The following PLAC1 variants were observed in gnomAD, a reference collection of about 807,000 sequenced individuals.
PLAC1 encodes placenta associated 1, also known as placenta-specific protein 1.
For missense variants in PLAC1, 136 were observed against 163.2 expected, an observed-to-expected ratio of 0.83 and a Z score of 0.91; for synonymous variants, 68 against 62.1, an observed-to-expected ratio of 1.09 and a Z score of -0.44.
At chrX:134,671,313 A>G (rs2147810798) in intron 2 of PLAC1, among the ~76,000 whole-genome samples, 1 of 112,049 alleles carries the variant, frequency 8.9e-6, no homozygotes, top group Admixed American at 9.5e-5. Flanking sequence ...ACCTAATGGT[A>G]AAACATGTTT....
chrX:134,598,387 G>C (rs1388790295), intron 2 of PLAC1, among the ~76,000 whole-genome samples: 1 of 112,017 alleles, frequency 8.9e-6, no homozygotes, highest in South Asian at 3.7e-4. Context: ...ACTGCACTGG[G>C]TGTTTAAGAA....
chrX:134,738,344 A>G (rs2078708732), intron 1 of PLAC1, among the ~76,000 whole-genome samples: 1 of 112,044 alleles, frequency 8.9e-6, no homozygotes, highest in Non-Finnish European at 1.9e-5. Flanking sequence ...ACACATCAGC[A>G]GTTCTCTCGA....
intron 2 of PLAC1, among the ~76,000 whole-genome samples, chrX:134,700,005 C>A (rs1239169526): frequency 9.0e-6 from 1 of 111,344 alleles, no homozygotes; most frequent in East Asian, 2.8e-4. Flanking sequence ...TTCCTCTGCC[C>A]AGAACACTCT....
chrX:134,715,842 G>A (rs942638254), intron 2 of PLAC1, among the ~76,000 whole-genome samples: 2 of 112,671 alleles, frequency 1.8e-5, no homozygotes, highest in Non-Finnish European at 3.7e-5. Flanking sequence ...TGAGACTGGG[G>A]TGTGTGTGTT....
intron 2 of PLAC1, among the ~76,000 whole-genome samples, chrX:134,585,726 C>A (rs1281578006): frequency 1.8e-5 from 2 of 110,562 alleles, no homozygotes; most frequent in Non-Finnish European, 3.8e-5. Flanking sequence ...AGGAATGGGA[C>A]TATTTCTATG....
At chrX:134,633,584 A>G (rs978806851) in intron 1 of PLAC1, among the ~76,000 whole-genome samples, 2 of 111,859 alleles carry the variant, frequency 1.8e-5, no homozygotes, top group African/African-American at 6.5e-5. Context: ...AGAAAGCAAG[A>G]GGAAATAAGG....
At chrX:134,567,128 G>A (rs1487719468) in intron 2 of PLAC1, among the ~76,000 whole-genome samples, 2 of 112,018 alleles carry the variant, frequency 1.8e-5, no homozygotes, top group Non-Finnish European at 3.8e-5. Flanking sequence ...CCTCTTTAGG[G>A]GCCTCCATGT....
intron 1 of PLAC1, among the ~76,000 whole-genome samples, chrX:134,615,576 T>C (rs1045134179): frequency 2.0e-4 from 22 of 112,072 alleles, no homozygotes; most frequent in African/African-American, 7.1e-4. Flanking sequence ...GTACAGAAGC[T>C]TTTAGCTCGA....
chrX:134,697,367 T>A (rs1013790396), intron 2 of PLAC1, among the ~76,000 whole-genome samples: 10 of 111,337 alleles, frequency 9.0e-5, no homozygotes, highest in Admixed American at 4.7e-4. Context: ...AAAAAAAAAA[T>A]CTAACACAAT....
chrX:134,646,259 TA>T (rs1474363950), intron 1 of PLAC1, among the ~76,000 whole-genome samples: 6 of 112,038 alleles, frequency 5.4e-5, no homozygotes, highest in Non-Finnish European at 1.1e-4. Flanking sequence ...CCAGTGGTTG[TA>T]AGACTTGCTT....
At chrX:134,743,982 C>T (rs910481690) in intron 1 of PLAC1, among the ~76,000 whole-genome samples, 4 of 112,225 alleles carry the variant, frequency 3.6e-5, no homozygotes, top group Non-Finnish European at 5.6e-5. Flanking sequence ...TTCTTTAGGC[C>T]ATCAGAAAGA....
At chrX:134,705,697 G>A (rs1025613469) in intron 2 of PLAC1, among the ~76,000 whole-genome samples, 1 of 111,316 alleles carries the variant, frequency 9.0e-6, no homozygotes, top group Admixed American at 9.6e-5. Flanking sequence ...TTACAGAGTG[G>A]TAACCATTTC....
At chrX:134,620,076 T>C (rs2078203809) in intron 1 of PLAC1, among the ~76,000 whole-genome samples, 1 of 112,420 alleles carries the variant, frequency 8.9e-6, no homozygotes, top group Non-Finnish European at 1.9e-5. Flanking sequence ...TTCAGTATCA[T>C]GAGTCAAAGG....
chrX:134,747,784 C>CA (rs746190066), intron 1 of PLAC1, among the ~76,000 whole-genome samples: 15 of 111,786 alleles, frequency 1.3e-4, no homozygotes, highest in Non-Finnish European at 2.4e-4. Context: ...CTTTTGCATT[C>CA]ACTACCATAA....
intron 1 of PLAC1, among the ~76,000 whole-genome samples, chrX:134,634,817 C>A (rs780903073): frequency 8.9e-6 from 1 of 112,224 alleles, no homozygotes; most frequent in South Asian, 3.7e-4. Context: ...ATGAATAATA[C>A]CGCCATGAAC....
At chrX:134,691,152 G>A (rs1169771186) in intron 2 of PLAC1, among the ~76,000 whole-genome samples, 32 of 101,489 alleles carry the variant, frequency 3.2e-4, no homozygotes, top group African/African-American at 1.1e-3. Flanking sequence ...GTAAAATGGG[G>A]GTAATACCAC....
At chrX:134,627,358 A>G (rs1454320683) in intron 1 of PLAC1, among the ~76,000 whole-genome samples, 3 of 112,124 alleles carry the variant, frequency 2.7e-5, no homozygotes, top group Non-Finnish European at 5.6e-5. Flanking sequence ...TTAAAATAAT[A>G]ATCACTCAAC....
intron 1 of PLAC1, among the ~76,000 whole-genome samples, chrX:134,649,799 G>A (rs1569397375): frequency 8.9e-6 from 1 of 112,076 alleles, no homozygotes; most frequent in South Asian, 3.7e-4. Flanking sequence ...AAACGATGGC[G>A]CTTTGGCATG....
intron 1 of PLAC1, among the ~76,000 whole-genome samples, chrX:134,603,002 A>G (rs1024981777): frequency 1.9e-5 from 2 of 106,774 alleles, no homozygotes; most frequent in South Asian, 8.6e-4. Context: ...TATTGCTATC[A>G]ACCATGGGGA....
Sources: allele counts gnomAD v4.1 joint callset (sites outside exome capture counted in the v4.1 genomes callset), GRCh38; gene constraint gnomAD v4.1.1; transcripts MANE v1.5; gene names NCBI Gene and HGNC (gene_info 2026-07-23, HGNC 2026-07-21).